THRAP3: variants seen among roughly 807,000 people sequenced by gnomAD.
The protein encoded by THRAP3 is thyroid hormone receptor associated protein 3.
A neutral mutation model predicts 101.0 loss-of-function variants in THRAP3; 16 were observed. The ratio of observed to expected loss-of-function variants is 0.16; its 90% CI spans 0.11 to 0.24. The LOEUF (loss-of-function observed/expected upper bound fraction) is 0.24, where lower values mean the gene tolerates loss of function less well. Ranked by LOEUF, THRAP3 falls within the 10% of genes least tolerant of loss-of-function variation. The pLI is 1.00. For synonymous variants in THRAP3, 407 were observed against 422.6 expected, an observed-to-expected ratio of 0.96 and a Z score of 0.45; for missense variants, 989 against 1,202.7, an observed-to-expected ratio of 0.82 and a Z score of 2.63.
chr1:36,288,723 A>C, intron 4 of THRAP3: 1 of 985,432 alleles, frequency 1.0e-6, no homozygotes, highest in Non-Finnish European at 1.2e-6. Flanking sequence ...GTAAGACCTT[A>C]AGTTATTTTT....
chr1:36,213,646 G>A, the THRAP3 span, among the ~76,000 whole-genome samples: 1 of 151,724 alleles, frequency 6.6e-6, no homozygotes, highest in South Asian at 2.1e-4. Flanking sequence ...AGGAGTTCGA[G>A]ACCAGTCTGG....
chr1:36,211,615 A>G, the THRAP3 span, among the ~76,000 whole-genome samples: 3 of 152,196 alleles, frequency 2.0e-5, no homozygotes, highest in African/African-American at 7.2e-5. Flanking sequence ...AGACTAGGGT[A>G]TTCCTGAGGG....
At chr1:36,284,910 TGAAA>T (rs1645776693) in intron 3 of THRAP3, among the ~76,000 whole-genome samples, 3 of 152,246 alleles carry the variant, frequency 2.0e-5, no homozygotes, top group Admixed American at 6.5e-5. Flanking sequence ...TGTTTTCAAA[TGAAA>T]AGTGTGGAAG....
At chr1:36,221,645 G>A (rs1487048569), upstream of THRAP3, among the ~76,000 whole-genome samples, 2 of 151,876 alleles carry the variant, frequency 1.3e-5, no homozygotes, top group African/African-American at 2.4e-5. Flanking sequence ...GTGCAATGGC[G>A]CGATCTAAGC....
At chr1:36,241,398 TA>T (rs1645157353) in intron 1 of THRAP3, among the ~76,000 whole-genome samples, 1 of 8,584 alleles carries the variant, frequency 1.2e-4, no homozygotes, top group African/African-American at 1.6e-4. Flanking sequence ...TATATATATA[TA>T]TATATATATA....
At chr1:36,276,873 GA>G (rs1052551735) in intron 2 of THRAP3, among the ~76,000 whole-genome samples, 44 of 151,770 alleles carry the variant, frequency 2.9e-4, no homozygotes, top group African/African-American at 9.7e-4. Context: ...CATAAATAAA[GA>G]AAAAAAGTGA....
chr1:36,228,624 G>C (rs1644989839), intron 1 of THRAP3, among the ~76,000 whole-genome samples: 1 of 152,140 alleles, frequency 6.6e-6, no homozygotes, highest in South Asian at 2.1e-4. Flanking sequence ...TAAAGTGCTG[G>C]GATTACAGGC....
chr1:36,220,020 A>G (rs1288545137), upstream of THRAP3, among the ~76,000 whole-genome samples: 1 of 152,126 alleles, frequency 6.6e-6, no homozygotes, highest in Non-Finnish European at 1.5e-5. Context: ...TTTGGGATGG[A>G]GTCCCACTCT....
intron 7 of THRAP3, among the ~76,000 whole-genome samples, chr1:36,293,569 T>C (rs1313812782): frequency 6.6e-6 from 1 of 151,894 alleles, no homozygotes; most frequent in Non-Finnish European, 1.5e-5. Flanking sequence ...GGTGAGTCCA[T>C]CTTTCTGTGT....
In THRAP3 at chr1:36,303,961, G is replaced by A. The variant is rs1218420650; in HGVS notation, c.2812G>A (p.Glu938Lys). 2.5e-6 allele frequency: 4 copies of A among 1,610,758 alleles called. No individual in the cohort carries two copies. Among genetic ancestry groups the A allele is most frequent in the East Asian group, 2.2e-5 (1 of 44,880 alleles). Residue 938 changes from glutamate to lysine, a missense_variant, in exon 12 of 12, where the codon GAG becomes AAG. Transcript: ENST00000354618. The stretch of plus-strand genomic sequence containing the variant: ...GGAGGAAGGGGAGATTGAAGACGAC[G>A]AGAGTGGGACAGAGAACCGAGAAGA... ...SGEEGEIEDDESGTENREEKD... is the reference protein window; with the variant it reads ...SGEEGEIEDDKSGTENREEKD...
chr1:36,228,857 G>A (rs993211218), intron 1 of THRAP3, among the ~76,000 whole-genome samples: 1 of 152,130 alleles, frequency 6.6e-6, no homozygotes, highest in African/African-American at 2.4e-5. Flanking sequence ...AATGTAGGCT[G>A]GGCATGGTGG....
chr1:36,291,294 T>C, intron 5 of THRAP3, 80 bp from the exon 6 acceptor site: 1 of 1,432,506 alleles, frequency 7.0e-7, no homozygotes. Context: ...TTTAAAACTC[T>C]TCAAAAAAGT....
At chr1:36,227,512 G>A (rs890293949) in intron 1 of THRAP3, among the ~76,000 whole-genome samples, 4 of 152,012 alleles carry the variant, frequency 2.6e-5, no homozygotes, top group Admixed American at 1.3e-4. Context: ...AAACTCCCAC[G>A]CTTAGGTGAT....
chr1:36,259,082 G>A (rs777118414), intron 1 of THRAP3, among the ~76,000 whole-genome samples: 3 of 152,194 alleles, frequency 2.0e-5, no homozygotes, highest in Non-Finnish European at 4.4e-5. Context: ...TCACCAGGTT[G>A]AGTTTTGTGG....
chr1:36,249,103 G>T (rs1645266463), intron 1 of THRAP3, among the ~76,000 whole-genome samples: 1 of 151,712 alleles, frequency 6.6e-6, no homozygotes, highest in South Asian at 2.1e-4. Flanking sequence ...AGCCAGGCTG[G>T]TCTCAAACTC....
At chr1:36,248,450 T>C (rs1175478049) in intron 1 of THRAP3, among the ~76,000 whole-genome samples, 2 of 131,774 alleles carry the variant, frequency 1.5e-5, no homozygotes, top group Admixed American at 7.7e-5. Context: ...TCAGCCTCTT[T>C]TTTTTTTTTT....
intron 7 of THRAP3, 134 bp from the exon 8 acceptor site, chr1:36,293,717 T>C (rs1453714979): frequency 3.3e-6 from 2 of 610,752 alleles, no homozygotes; most frequent in African/African-American, 1.9e-5. Context: ...AGAGTAAAAG[T>C]AATAGATACA....
intron 5 of THRAP3, among the ~76,000 whole-genome samples, chr1:36,291,049 A>G (rs1405350219): frequency 2.6e-5 from 4 of 152,088 alleles, no homozygotes; most frequent in Non-Finnish European, 5.9e-5. Context: ...CTGCCTCCCA[A>G]AGTGTTGAGA....
intron 1 of THRAP3, among the ~76,000 whole-genome samples, 166 bp downstream of exon 1, chr1:36,224,671 C>A (rs1345650109): frequency 6.6e-6 from 1 of 152,174 alleles, no homozygotes; most frequent in Non-Finnish European, 1.5e-5. Flanking sequence ...TCCGTTCCCT[C>A]CGGCTCCTCC....
Sources: allele counts gnomAD v4.1 joint callset (sites outside exome capture counted in the v4.1 genomes callset), GRCh38; gene constraint gnomAD v4.1.1; transcripts MANE v1.5; gene names NCBI Gene and HGNC (gene_info 2026-07-23, HGNC 2026-07-21).